Variants in ZNF385D observed in about 807,000 individuals in gnomAD.
The protein encoded by ZNF385D is zinc finger protein 385D, also known as zinc finger protein 659.
A neutral mutation model predicts 35.8 loss-of-function variants in ZNF385D; 15 were observed. The observed-to-expected ratio is 0.42, with a 90% CI of 0.28 to 0.64. The LOEUF (loss-of-function observed/expected upper bound fraction) is 0.64, where lower values mean the gene tolerates loss of function less well. Among genes scored for constraint, ZNF385D ranks in the 30% least tolerant of loss-of-function variants. The pLI is 0.23. For synonymous variants in ZNF385D, 212 were observed against 186.8 expected, an observed-to-expected ratio of 1.13 and a Z score of -1.10; for missense variants, 474 against 494.6, an observed-to-expected ratio of 0.96 and a Z score of 0.39.
At chr3:22,280,333 A>G (rs1389935855) in intron 2 of ZNF385D, among the ~76,000 whole-genome samples, 1 of 147,682 alleles carries the variant, frequency 6.8e-6, no homozygotes, top group Admixed American at 6.8e-5. Flanking sequence ...GTTCTTGGTC[A>G]CAAAGTCTTT....
intron 1 of ZNF385D, among the ~76,000 whole-genome samples, chr3:21,692,737 T>C (rs1330049004): frequency 6.6e-6 from 1 of 152,246 alleles, no homozygotes; most frequent in Non-Finnish European, 1.5e-5. Context: ...GGTATTCTTT[T>C]GCCACCCCTT....
intron 3 of ZNF385D, among the ~76,000 whole-genome samples, chr3:21,816,668 C>A (rs2073161042): frequency 1.3e-5 from 2 of 152,102 alleles, no homozygotes; most frequent in Non-Finnish European, 2.9e-5. Flanking sequence ...CAAACCACTG[C>A]TCAATGAAAT....
chr3:22,274,194 A>G lies in ZNF385D; in HGVS notation c.106+98256T>C, dbSNP rs56665609. Among the ~76,000 whole-genome samples, 325 of 152,100 alleles carry G rather than the reference A, an allele frequency of 2.1e-3. 4 individuals are homozygous for G. Among genetic ancestry groups the G allele is most frequent in the African/African-American group, 6.8e-3 (284 of 41,554 alleles). On this transcript the variant is annotated intron_variant, in intron 2 of 5. Transcript: ENST00000494108. ...GTTCAACAAAACAAGTTCAATCAGA[A>G]TATAGCACTTAGAAGAAAGAAGAAC...
At chr3:22,221,532 G>A (rs1207589069) in intron 2 of ZNF385D, among the ~76,000 whole-genome samples, 3 of 152,130 alleles carry the variant, frequency 2.0e-5, no homozygotes, top group Non-Finnish European at 4.4e-5. Context: ...AATGCACAGA[G>A]GCAATTTTGA....
rs918496047 is a variant in ZNF385D at position 21,491,700 on chromosome 3, C to A, written c.439+19161G>T. Among the ~76,000 whole-genome samples, 3 of 152,082 alleles carry A rather than the reference C, an allele frequency of 2.0e-5. No individual in the cohort carries two copies. In the East Asian group the frequency reaches 5.8e-4, roughly 29 times the overall value. Reference sequence around the variant, plus strand: ...GCCATGCTCATTCATTTACATGTTGCCAATGGTTGCTTTCATGCAAGTGTC... The same window carrying A: ...GCCATGCTCATTCATTTACATGTTGACAATGGTTGCTTTCATGCAAGTGTC... On this transcript the variant is annotated intron_variant, in intron 4 of 7. Transcript: ENST00000281523.
chr3:21,940,303 C>T (rs1701454331), intron 3 of ZNF385D, among the ~76,000 whole-genome samples: 1 of 152,020 alleles, frequency 6.6e-6, no homozygotes, highest in African/African-American at 2.4e-5. Context: ...GATTTGACAC[C>T]AGTTCACCCA....
chr3:22,066,307 T>G (rs1699945370), intron 3 of ZNF385D, among the ~76,000 whole-genome samples: 2 of 118,320 alleles, frequency 1.7e-5, no homozygotes, highest in Admixed American at 7.8e-5. Context: ...AGCTAAGGAG[T>G]GTGTGTGTGT....
intron 2 of ZNF385D, among the ~76,000 whole-genome samples, chr3:22,277,420 A>C (rs1701483831): frequency 1.3e-5 from 2 of 152,160 alleles, no homozygotes; most frequent in African/African-American, 4.8e-5. Flanking sequence ...GCAACAATTC[A>C]TTCAGATGGG....
At chr3:22,121,060 G>T (rs915320546) in intron 3 of ZNF385D, among the ~76,000 whole-genome samples, 4 of 152,114 alleles carry the variant, frequency 2.6e-5, no homozygotes, top group African/African-American at 9.7e-5. Flanking sequence ...TTTAAAGACA[G>T]CCTGATAAAG....
chr3:21,924,422 C>T (rs892943266), intron 3 of ZNF385D, among the ~76,000 whole-genome samples: 1 of 152,172 alleles, frequency 6.6e-6, no homozygotes, highest in Non-Finnish European at 1.5e-5. Flanking sequence ...AAATCCTGCC[C>T]TCTTTAGTCA....
At chr3:21,841,029 A>G (rs1210203411) in intron 3 of ZNF385D, among the ~76,000 whole-genome samples, 1 of 152,006 alleles carries the variant, frequency 6.6e-6, no homozygotes, top group Admixed American at 6.6e-5. Flanking sequence ...TATGAATGTG[A>G]AAGAAGAATT....
intron 2 of ZNF385D, among the ~76,000 whole-genome samples, chr3:22,270,230 C>T (rs189276518): frequency 6.6e-6 from 1 of 152,152 alleles, no homozygotes; most frequent in Admixed American, 6.6e-5. Context: ...CTTACTCCTC[C>T]CTTCACTTTG....
At chr3:21,647,616 C>G (rs924204031) in intron 2 of ZNF385D, among the ~76,000 whole-genome samples, 2 of 152,080 alleles carry the variant, frequency 1.3e-5, no homozygotes, top group African/African-American at 4.8e-5. Flanking sequence ...TGATTTCATT[C>G]TACTTTCACT....
At chr3:22,328,698 G>A (rs925583750) in intron 2 of ZNF385D, among the ~76,000 whole-genome samples, 4 of 151,872 alleles carry the variant, frequency 2.6e-5, no homozygotes, top group Non-Finnish European at 5.9e-5. Context: ...GGGAGGTGGA[G>A]GTTGCAGTGA....
At chr3:22,295,775 T>C (rs1275805388) in intron 2 of ZNF385D, among the ~76,000 whole-genome samples, 1 of 152,086 alleles carries the variant, frequency 6.6e-6, no homozygotes, top group Non-Finnish European at 1.5e-5. Context: ...ATATTTTCCT[T>C]CACCTTCTCA....
intron 2 of ZNF385D, among the ~76,000 whole-genome samples, chr3:21,659,675 G>C (rs1011037096): frequency 2.6e-5 from 4 of 152,022 alleles, no homozygotes; most frequent in African/African-American, 9.7e-5. Flanking sequence ...ACAAACACCG[G>C]AAGGTAAGTT....
At chr3:21,932,023 C>T (rs755166142) in intron 3 of ZNF385D, among the ~76,000 whole-genome samples, 26 of 151,684 alleles carry the variant, frequency 1.7e-4, no homozygotes, top group South Asian at 6.2e-4. Context: ...AAAAATTAGC[C>T]GGGAGCGGTG....
intron 2 of ZNF385D, among the ~76,000 whole-genome samples, chr3:22,318,591 C>T (rs1704030470): frequency 6.6e-6 from 1 of 152,012 alleles, no homozygotes; most frequent in African/African-American, 2.4e-5. Context: ...AGAAATTGGC[C>T]CACTGCCTGC....
intron 3 of ZNF385D, among the ~76,000 whole-genome samples, chr3:21,563,814 T>A (rs1255710876): frequency 2.0e-5 from 3 of 152,172 alleles, no homozygotes; most frequent in Non-Finnish European, 4.4e-5. Context: ...CTCTTAGGAC[T>A]TAACTTCATA....
Sources: allele counts gnomAD v4.1 joint callset (sites outside exome capture counted in the v4.1 genomes callset), GRCh38; gene constraint gnomAD v4.1.1; transcripts MANE v1.5; gene names NCBI Gene and HGNC (gene_info 2026-07-23, HGNC 2026-07-21).